The following TKTL1 variants were observed in gnomAD, a reference collection of about 807,000 sequenced individuals.
TKTL1 encodes transketolase like 1.
A neutral mutation model predicts 39.3 loss-of-function variants in TKTL1; 1 was observed. The ratio of observed to expected loss-of-function variants is 0.03; its 90% CI spans 0.01 to 0.12. TKTL1 has a LOEUF of 0.12. Among genes scored for constraint, TKTL1 ranks in the 10% least tolerant of loss-of-function variants. The pLI, the probability that TKTL1 is intolerant of heterozygous loss-of-function variation, is 1.00. For missense variants in TKTL1, 575 were observed against 509.6 expected, an observed-to-expected ratio of 1.13 and a Z score of -1.24; for synonymous variants, 262 against 193.8, an observed-to-expected ratio of 1.35 and a Z score of -2.92.
intron 8 of TKTL1, among the ~76,000 whole-genome samples, chrX:154,322,120 C>G (rs2067455795): frequency 9.3e-6 from 1 of 107,163 alleles, no homozygotes; most frequent in South Asian, 4.2e-4. Context: ...TGTATTCCAG[C>G]TACTCAGGAC....
intron 6 of TKTL1, among the ~76,000 whole-genome samples, chrX:154,313,964 A>G (rs1053822625): frequency 3.6e-5 from 4 of 110,642 alleles, no homozygotes; most frequent in African/African-American, 9.9e-5. Flanking sequence ...AGAAAACTAT[A>G]TAACTCCATA....
chrX:154,302,047 G>A (rs1310691033), intron 1 of TKTL1, among the ~76,000 whole-genome samples: 1 of 110,463 alleles, frequency 9.1e-6, no homozygotes, highest in Non-Finnish European at 1.9e-5. Context: ...TGGCATTTGT[G>A]TCATCACACA....
intron 8 of TKTL1, 134 bp downstream of exon 8, chrX:154,321,047 C>T: frequency 2.7e-6 from 2 of 746,502 alleles, no homozygotes; most frequent in South Asian, 2.7e-5. Flanking sequence ...CTTGAAAAAG[C>T]CATATTGTAC....
chrX:154,311,820 G>A (rs1355825183), intron 5 of TKTL1, among the ~76,000 whole-genome samples: 1 of 111,213 alleles, frequency 9.0e-6, no homozygotes, highest in Non-Finnish European at 1.9e-5. Context: ...GGTACCCTCC[G>A]TTCAGTAAAT....
intron 2 of TKTL1, among the ~76,000 whole-genome samples, chrX:154,309,066 C>G (rs1557167745): frequency 1.8e-5 from 2 of 111,183 alleles, no homozygotes; most frequent in Non-Finnish European, 3.8e-5. Context: ...CCTATGACTC[C>G]CTGGGCAGGG....
chrX:154,327,121 C>T (rs1557172126), intron 10 of TKTL1: 1 of 223,247 alleles, frequency 4.5e-6, no homozygotes, highest in Non-Finnish European at 8.4e-6. Context: ...GTCAGCCCCG[C>T]CTGGCTGTGG....
At position 154,325,003 on chromosome X, in the gene TKTL1, T is replaced by TA. The variant is rs781945055; in HGVS notation, c.1318-334dup. 5.3e-3 allele frequency among the ~76,000 whole-genome samples: 595 copies of TA among 112,323 alleles called. 2 individuals are homozygous for TA. The highest frequency in any genetic ancestry group is 0.019 in the African/African-American group (575 of 30,895). ...CATTACAAGTTATTGTGGCAAAAGT[T>TA]AATGTTTTAACATTCTATTCGGGCT... On this transcript the variant is annotated intron_variant, in intron 9 of 12. Transcript: ENST00000369915.
intron 1 of TKTL1, chrX:154,305,050 A>G (rs1557166875): frequency 5.4e-6 from 6 of 1,113,296 alleles, no homozygotes; most frequent in Non-Finnish European, 7.2e-6. Flanking sequence ...TGTCAGAGGC[A>G]CAAAGGAAAC....
rs1260041193 is a variant in TKTL1 at position 154,327,964 on chromosome X, T to C, written c.1618+6T>C. The C allele has an allele frequency of 1.7e-6, 2 of 1,210,553 alleles. No individual in the cohort carries two copies. Among genetic ancestry groups the C allele is most frequent in the Non-Finnish European group, 2.2e-6 (2 of 895,002 alleles). ...GGAGGATCACTACCCGCAAGGTGTG[T>C]GTGGGCATTGAGAATGCTTTGGAAG... On this transcript the variant is annotated splice_donor_region_variant and intron_variant, in intron 12 of 12. Transcript: ENST00000369915.
chrX:154,316,205 G>A (rs1179687727), intron 7 of TKTL1, among the ~76,000 whole-genome samples: 1 of 111,027 alleles, frequency 9.0e-6, no homozygotes, highest in Admixed American at 9.6e-5. Context: ...AAGTAGCTAG[G>A]ACTACAGGTG....
rs190080682 is a variant in TKTL1 at position 154,329,674 on chromosome X, A to G, written c.1777A>G (p.Met593Val). ...ARHIIVAVKC[M>V]LLN Reference sequence around the variant, plus strand: ...ACATATCATAGTGGCCGTGAAATGCATGTTGCTGAACTAAAATAGCTGTTA... The same window carrying G: ...ACATATCATAGTGGCCGTGAAATGCGTGTTGCTGAACTAAAATAGCTGTTA... Residue 593 changes from methionine (M) to valine (V), a missense_variant, in exon 13 of 13, where the codon ATG becomes GTG. By Grantham distance (21) the Met-to-Val change is conservative. Coordinates refer to ENST00000369915, the MANE Select transcript of TKTL1 (RefSeq NM_012253.4). The G allele has an allele frequency of 5.8e-6, 7 of 1,209,368 alleles. No homozygotes were observed. The East Asian group carries it at 2.1e-4, about 36-fold the overall frequency.
chrX:154,327,970 C>T lies in TKTL1; in HGVS notation c.1618+12C>T. 8.3e-7 allele frequency: 1 copy of T among 1,209,961 alleles called. No individual in the cohort carries two copies. Among genetic ancestry groups the T allele is most frequent in the Non-Finnish European group, 1.1e-6 (1 of 894,620 alleles). On this transcript the variant is annotated intron_variant, in intron 12 of 12. Transcript: ENST00000369915. The stretch of plus-strand genomic sequence containing the variant: ...TCACTACCCGCAAGGTGTGTGTGGG[C>T]ATTGAGAATGCTTTGGAAGGTTTTG...
chrX:154,306,431 C>G (rs932994102), intron 2 of TKTL1, among the ~76,000 whole-genome samples: 1 of 111,061 alleles, frequency 9.0e-6, no homozygotes, highest in Non-Finnish European at 1.9e-5. Context: ...TAATTGTGAC[C>G]CTTGTCTTGG....
intron 1 of TKTL1, among the ~76,000 whole-genome samples, chrX:154,298,736 C>T (rs964009733): frequency 8.9e-6 from 1 of 112,114 alleles, no homozygotes; most frequent in African/African-American, 3.2e-5. Context: ...TTTCTATTTT[C>T]TTAGTCTCTG....
Position 154,315,256 on chromosome X carries a change from C to T in TKTL1, c.948C>T (p.Thr316=). 1.7e-6 allele frequency: 2 copies of T among 1,210,920 alleles called. No individual in the cohort carries two copies. The highest frequency in any genetic ancestry group is 1.7e-5 in the African/African-American group (1 of 57,725). ...NNRVVVLDGD[T]RYSTFSEIFN... The stretch of plus-strand genomic sequence containing the variant: ...GAGTCGTTGTGCTGGATGGTGACAC[C>T]AGGTACTCTACTTTCTCTGAGATAT... The change falls in exon 7 of 13, where the codon ACC becomes ACT. Residue 316 remains threonine (T), a synonymous_variant. Transcript: ENST00000369915.
intron 1 of TKTL1, 191 bp from the exon 2 acceptor site, chrX:154,305,113 G>A (rs782237322): frequency 3.0e-5 from 35 of 1,152,446 alleles, no homozygotes; most frequent in Non-Finnish European, 3.4e-5. Context: ...ACTGTGCACA[G>A]GGGGAGGGGT....
In TKTL1 at chrX:154,315,436, A is replaced by G. The variant is rs377289495; in HGVS notation, c.1029+99A>G. 6.4e-6 allele frequency: 6 copies of G among 932,193 alleles called. No individual in the cohort carries two copies. In the South Asian group the frequency reaches 8.6e-5, roughly 13 times the overall value. 76.8% of individuals were successfully genotyped at this position (932,193 alleles called of 1,213,427 possible). A position where few individuals can be genotyped will look rare whatever the true frequency, so the allele number is the denominator to read the frequency against. On this transcript the variant is annotated intron_variant, in intron 7 of 12. Coordinates refer to ENST00000369915, the MANE Select transcript of TKTL1 (RefSeq NM_012253.4). Reference sequence around the variant, plus strand: ...GTTTTTCTTTCCATTTATGAAAGCAAAAGGACTGGAAAAAAATTTCCTGGG... The same window carrying G: ...GTTTTTCTTTCCATTTATGAAAGCAGAAGGACTGGAAAAAAATTTCCTGGG...
At chrX:154,306,145 TAAAAA>T (rs34305192) in intron 2 of TKTL1, among the ~76,000 whole-genome samples, 1 of 101,116 alleles carries the variant, frequency 9.9e-6, no homozygotes, top group Non-Finnish European at 2.0e-5. Flanking sequence ...CGTCTCCACT[TAAAAA>T]AAAAAAAAAT....
chrX:154,320,717 A>G (rs782619530), intron 7 of TKTL1, 40 bp from the exon 8 acceptor site: 14 of 1,196,016 alleles, frequency 1.2e-5, no homozygotes, highest in South Asian at 5.3e-5. Context: ...GGTGGGGGCA[A>G]TGCCCAGGGA....
Sources: gnomAD v4.1 joint callset for allele counts (sites outside exome capture counted in the v4.1 genomes callset) on GRCh38, gnomAD v4.1.1 for gene constraint, MANE v1.5 for transcripts, NCBI Gene and HGNC (gene_info 2026-07-23, HGNC 2026-07-21) for gene names.